Variants in ARHGAP24 observed in about 807,000 individuals in gnomAD.
ARHGAP24 encodes rho GTPase-activating protein 24.
ARHGAP24 carries 50 observed loss-of-function variants against 76.4 expected under a neutral mutation model. The ratio of observed to expected loss-of-function variants is 0.65; its 90% CI spans 0.52 to 0.83. ARHGAP24 has a LOEUF of 0.83. Ranked by LOEUF, ARHGAP24 falls within the 40% of genes least tolerant of loss-of-function variation. The probability of loss-of-function intolerance (pLI) is 0.00; values close to 1 mark genes in which losing one functional copy is unlikely to be tolerated. For missense variants in ARHGAP24, 930 were observed against 914.2 expected, an observed-to-expected ratio of 1.02 and a Z score of -0.22; for synonymous variants, 345 against 323.3, an observed-to-expected ratio of 1.07 and a Z score of -0.72.
At chr4:85,557,618 A>G (rs1041695878) in intron 1 of ARHGAP24, among the ~76,000 whole-genome samples, 6 of 151,740 alleles carry the variant, frequency 4.0e-5, no homozygotes, top group East Asian at 2.0e-4. Context: ...ATGAATCCCA[A>G]TGTGTTCACC....
chr4:85,591,712 C>T (rs1229900527), intron 2 of ARHGAP24, among the ~76,000 whole-genome samples: 1 of 152,232 alleles, frequency 6.6e-6, no homozygotes, highest in East Asian at 1.9e-4. Flanking sequence ...TACTCACGTG[C>T]ACTCTGACAT....
chr4:85,719,354 C>A (rs900393324), intron 2 of ARHGAP24, among the ~76,000 whole-genome samples: 1 of 152,066 alleles, frequency 6.6e-6, no homozygotes, highest in Admixed American at 6.6e-5. Flanking sequence ...GGCAATTCCT[C>A]CAACACCTCA....
At chr4:85,836,090 C>A (rs1274099049) in intron 3 of ARHGAP24, among the ~76,000 whole-genome samples, 1 of 152,190 alleles carries the variant, frequency 6.6e-6, no homozygotes, top group Non-Finnish European at 1.5e-5. Context: ...AGGAGCAATG[C>A]AAGCTTTGGT....
chr4:85,645,947 A>G (rs1437434350), intron 2 of ARHGAP24, among the ~76,000 whole-genome samples: 1 of 152,050 alleles, frequency 6.6e-6, no homozygotes, highest in Non-Finnish European at 1.5e-5. Flanking sequence ...TGTTAGTTCT[A>G]TCTCATTATA....
At chr4:85,530,063 T>C (rs938484219) in intron 1 of ARHGAP24, among the ~76,000 whole-genome samples, 7 of 151,962 alleles carry the variant, frequency 4.6e-5, no homozygotes, top group Admixed American at 1.3e-4. Flanking sequence ...ATATCTATGG[T>C]GAAAGTATTA....
intron 1 of ARHGAP24, among the ~76,000 whole-genome samples, chr4:85,531,998 G>T (rs541088258): frequency 6.6e-6 from 1 of 151,980 alleles, no homozygotes; most frequent in Non-Finnish European, 1.5e-5. Flanking sequence ...GTATTTGAAG[G>T]TCAGATAAAA....
intron 1 of ARHGAP24, among the ~76,000 whole-genome samples, chr4:85,551,721 A>G (rs1487567946): frequency 2.0e-5 from 3 of 152,134 alleles, no homozygotes; most frequent in African/African-American, 4.8e-5. Flanking sequence ...TGGTCTGTTC[A>G]GGGATTCAGT....
At chr4:85,729,099 G>A (rs546058784) in intron 3 of ARHGAP24, among the ~76,000 whole-genome samples, 79 of 151,106 alleles carry the variant, frequency 5.2e-4, no homozygotes, top group African/African-American at 1.9e-3. Flanking sequence ...AATTATATTT[G>A]TTACCCCAAA....
intron 3 of ARHGAP24, among the ~76,000 whole-genome samples, chr4:85,840,017 CTTTTTT>C (rs70948759): frequency 0.42 from 48,725 of 116,124 alleles, 9,170 homozygotes; most frequent in South Asian, 0.55. Flanking sequence ...GCCTGGCTAA[CTTTTTT>C]TTTTTTTTTT....
intron 2 of ARHGAP24, chr4:85,571,052 T>G (rs1383422810): frequency 9.4e-6 from 2 of 212,720 alleles, no homozygotes; most frequent in Admixed American, 5.3e-5. Flanking sequence ...ACATCTTTCT[T>G]TTTCTCAGGA....
chr4:85,756,476 C>T (rs1726499169), intron 3 of ARHGAP24, among the ~76,000 whole-genome samples: 3 of 152,152 alleles, frequency 2.0e-5, no homozygotes, highest in Admixed American at 1.3e-4. Context: ...TACAAAAGGA[C>T]TTTCAGAATC....
intron 4 of ARHGAP24, among the ~76,000 whole-genome samples, chr4:85,932,967 C>A (rs1011738078): frequency 6.6e-6 from 1 of 152,122 alleles, no homozygotes; most frequent in Admixed American, 6.5e-5. Context: ...AGCAGCATGA[C>A]GCACAGGAGC....
At chr4:85,951,018 A>G (rs1199416129) in intron 5 of ARHGAP24, among the ~76,000 whole-genome samples, 1 of 152,132 alleles carries the variant, frequency 6.6e-6, no homozygotes, top group East Asian at 1.9e-4. Context: ...AGTGAAATGG[A>G]AATCTGTCAA....
At chr4:85,675,251 C>T (rs1722941391) in intron 2 of ARHGAP24, among the ~76,000 whole-genome samples, 1 of 152,136 alleles carries the variant, frequency 6.6e-6, no homozygotes, top group Non-Finnish European at 1.5e-5. Flanking sequence ...TAAGACAATA[C>T]TGTACATAAT....
intron 4 of ARHGAP24, among the ~76,000 whole-genome samples, chr4:85,935,331 T>C (rs942818237): frequency 6.6e-6 from 1 of 152,178 alleles, no homozygotes; most frequent in African/African-American, 2.4e-5. Flanking sequence ...TAACGAAACA[T>C]AAATAAGTAC....
intron 2 of ARHGAP24, among the ~76,000 whole-genome samples, chr4:85,607,947 C>T (rs1720257224): frequency 6.6e-6 from 1 of 151,774 alleles, no homozygotes; most frequent in African/African-American, 2.4e-5. Context: ...GGTGTTTATA[C>T]AGGTGTGCCT....
intron 2 of ARHGAP24, among the ~76,000 whole-genome samples, chr4:85,597,627 A>G (rs1719883023): frequency 1.3e-4 from 3 of 23,374 alleles, no homozygotes; most frequent in African/African-American, 1.8e-4. Flanking sequence ...TTAGGGCAGC[A>G]ACTTTTTTTT....
chr4:85,880,578 G>A (rs1006804448), intron 3 of ARHGAP24, among the ~76,000 whole-genome samples: 2 of 152,060 alleles, frequency 1.3e-5, no homozygotes, highest in African/African-American at 4.8e-5. Context: ...GCCCAGGCTG[G>A]AGTGCAGTGG....
intron 1 of ARHGAP24, among the ~76,000 whole-genome samples, chr4:85,492,344 C>A (rs1053251932): frequency 6.6e-6 from 1 of 152,098 alleles, no homozygotes; most frequent in African/African-American, 2.4e-5. Context: ...CTAAATATTT[C>A]ACTTTAATTG....
Sources: gnomAD v4.1 joint callset for allele counts (sites outside exome capture counted in the v4.1 genomes callset) on GRCh38, gnomAD v4.1.1 for gene constraint, MANE v1.5 for transcripts, NCBI Gene and HGNC (gene_info 2026-07-23, HGNC 2026-07-21) for gene names.